DTWD2: variants seen among roughly 807,000 people sequenced by gnomAD.
DTWD2 encodes the protein DTW motif tRNA-uridine aminocarboxypropyltransferase 2.
A neutral mutation model predicts 31.8 loss-of-function variants in DTWD2; 39 were observed. The ratio of observed to expected loss-of-function variants is 1.22; its 90% CI spans 0.95 to 1.60. The LOEUF is 1.60. Ranked by LOEUF, DTWD2 falls within the 40% of genes most tolerant of loss-of-function variation. DTWD2 has a pLI of 0.00. For synonymous variants in DTWD2, 180 were observed against 142.8 expected (o/e 1.26, Z -1.86); for missense variants, 515 against 381.5 (o/e 1.35, Z -2.92).
chr5:118,853,897 G>A (rs900354344), intron 4 of DTWD2, among the ~76,000 whole-genome samples: 1 of 152,186 alleles, frequency 6.6e-6, no homozygotes, highest in Non-Finnish European at 1.5e-5. Flanking sequence ...AGTTTAGGGG[G>A]TTTTGTGACT....
At position 118,891,907 on chromosome 5, in the gene DTWD2, C is replaced by G. The variant is rs548457803; in HGVS notation, c.597+36630G>C. The stretch of plus-strand genomic sequence containing the variant: ...GAAAACCCACAAACTTTTATACAAG[C>G]AAGAAAATAAAATAATCTAGCTCAA... On this transcript the variant is annotated intron_variant, in intron 4 of 5. Transcript: ENST00000510708. 7.2e-5 allele frequency among the ~76,000 whole-genome samples: 11 copies of G among 152,134 alleles called. No homozygotes were observed. In the East Asian group the frequency reaches 1.5e-3, roughly 21 times the overall value.
chr5:118,911,777 G>A (rs1753463580), intron 4 of DTWD2, among the ~76,000 whole-genome samples: 1 of 152,102 alleles, frequency 6.6e-6, no homozygotes, highest in South Asian at 2.1e-4. Context: ...ATATCAACAG[G>A]ACCCAATCTT....
chr5:118,891,418 A>T (rs1313236133), intron 4 of DTWD2, among the ~76,000 whole-genome samples: 1 of 152,168 alleles, frequency 6.6e-6, no homozygotes, highest in Non-Finnish European at 1.5e-5. Flanking sequence ...ATTAATTATG[A>T]CTACTGGACC....
rs1274158142 is a variant in DTWD2 at position 118,910,406 on chromosome 5, A to G, written c.597+18131T>C. Among the ~76,000 whole-genome samples the G allele has an allele frequency of 4.6e-5, 7 of 152,200 alleles. No homozygotes were observed. In the East Asian group the frequency reaches 1.3e-3, roughly 29 times the overall value. ...ACAATAGCCTTTCCTCTCATTTCCA[A>G]TAAAATCTTCCCATTTCCATCTGAG... On this transcript the variant is annotated intron_variant, in intron 4 of 5. Transcript: ENST00000510708.
At position 118,934,055 on chromosome 5, in the gene DTWD2, A is replaced by G. The variant is rs115592848; in HGVS notation, c.404+5141T>C. Among the ~76,000 whole-genome samples the G allele has an allele frequency of 1.6e-3, 240 of 151,186 alleles. No homozygotes were observed. The Middle Eastern group carries it at 0.02, about 13-fold the overall frequency. ...TGTAATTGTTTTAAATACCATTAAA[A>G]TAGCCCTGCAAAAATGAAATTCTTA... On this transcript the variant is annotated intron_variant, in intron 3 of 5. Transcript: ENST00000510708.
At chr5:118,980,489 C>T (rs752906052) in intron 1 of DTWD2, among the ~76,000 whole-genome samples, 3 of 152,146 alleles carry the variant, frequency 2.0e-5, no homozygotes, top group Non-Finnish European at 2.9e-5. Flanking sequence ...ACTTGCAATT[C>T]GCCTACCAAA....
At chr5:118,985,724 G>A (rs1755412797) in intron 1 of DTWD2, among the ~76,000 whole-genome samples, 1 of 151,778 alleles carries the variant, frequency 6.6e-6, no homozygotes, top group Non-Finnish European at 1.5e-5. Flanking sequence ...CCACTCTGAT[G>A]TCATATAATT....
chr5:118,922,608 G>A (rs1258659485), intron 4 of DTWD2, among the ~76,000 whole-genome samples: 1 of 152,110 alleles, frequency 6.6e-6, no homozygotes, highest in African/African-American at 2.4e-5. Flanking sequence ...TTTTTACTTT[G>A]TAGACAAGAC....
chr5:118,982,192 A>G (rs990502523), intron 1 of DTWD2, among the ~76,000 whole-genome samples: 1 of 152,260 alleles, frequency 6.6e-6, no homozygotes, highest in Non-Finnish European at 1.5e-5. Context: ...TGACTACATA[A>G]GCACTAATAG....
At chr5:118,863,593 A>G (rs1476416379) in intron 4 of DTWD2, among the ~76,000 whole-genome samples, 1 of 152,196 alleles carries the variant, frequency 6.6e-6, no homozygotes, top group African/African-American at 2.4e-5. Flanking sequence ...AAAGAGACCT[A>G]TGACTTTTAA....
intron 4 of DTWD2, among the ~76,000 whole-genome samples, chr5:118,913,381 C>T (rs1160090488): frequency 6.8e-6 from 1 of 146,482 alleles, no homozygotes; most frequent in Non-Finnish European, 1.5e-5. Context: ...TCCATAATCA[C>T]ATGAACCATA....
chr5:118,929,708 T>C (rs1462862112), intron 3 of DTWD2, among the ~76,000 whole-genome samples: 1 of 152,206 alleles, frequency 6.6e-6, no homozygotes, highest in Non-Finnish European at 1.5e-5. Context: ...ATTTGACATA[T>C]GTTGACACAG....
intron 1 of DTWD2, among the ~76,000 whole-genome samples, chr5:118,979,671 C>T (rs1755253127): frequency 6.6e-6 from 1 of 152,180 alleles, no homozygotes. Flanking sequence ...ACTATGCAGC[C>T]ATAAGGAATG....
intron 1 of DTWD2, among the ~76,000 whole-genome samples, chr5:118,956,270 T>C (rs1327904619): frequency 1.3e-5 from 2 of 152,212 alleles, no homozygotes; most frequent in Non-Finnish European, 2.9e-5. Flanking sequence ...CTCATCGGGG[T>C]TTATCTTCTT....
intron 4 of DTWD2, among the ~76,000 whole-genome samples, chr5:118,849,176 C>T (rs908945872): frequency 5.1e-4 from 77 of 152,006 alleles, no homozygotes; most frequent in African/African-American, 1.8e-3. Flanking sequence ...CACAAATTTA[C>T]GAGAAAAAAG....
intron 4 of DTWD2, among the ~76,000 whole-genome samples, chr5:118,920,496 C>A (rs1753677854): frequency 1.3e-5 from 2 of 152,052 alleles, no homozygotes; most frequent in Admixed American, 6.6e-5. Flanking sequence ...TTAACTTTTG[C>A]TTTAAACACA....
At chr5:118,917,719 C>T (rs1311602931) in intron 4 of DTWD2, among the ~76,000 whole-genome samples, 2 of 152,112 alleles carry the variant, frequency 1.3e-5, no homozygotes, top group Non-Finnish European at 2.9e-5. Context: ...TGCCTATAAT[C>T]CCAGCACTTT....
rs868787595 is a variant in DTWD2 at position 118,986,879 on chromosome 5, A to G, written c.218+1415T>C. On this transcript the variant is annotated intron_variant, in intron 1 of 5. Transcript: ENST00000510708. Reference sequence around the variant, plus strand: ...AGAGGGAGGAGAGCTTTTCACAGGTAGCAAATTTCACCAGAAATAAGCAAA... The same window carrying G: ...AGAGGGAGGAGAGCTTTTCACAGGTGGCAAATTTCACCAGAAATAAGCAAA... Among the ~76,000 whole-genome samples the G allele has an allele frequency of 8.5e-5, 13 of 152,350 alleles. No individual in the cohort carries two copies. The Middle Eastern group carries it at 0.01, about 120-fold the overall frequency.
chr5:118,867,096 A>G (rs1202646691), intron 4 of DTWD2, among the ~76,000 whole-genome samples: 1 of 152,160 alleles, frequency 6.6e-6, no homozygotes, highest in Admixed American at 6.5e-5. Flanking sequence ...TATTCTACTA[A>G]TCTACAAAAA....
Sources: gnomAD v4.1 joint callset for allele counts (sites outside exome capture counted in the v4.1 genomes callset) on GRCh38, gnomAD v4.1.1 for gene constraint, MANE v1.5 for transcripts, NCBI Gene and HGNC (gene_info 2026-07-23, HGNC 2026-07-21) for gene names.